The following TRIO variants were observed in gnomAD, a reference collection of about 807,000 sequenced individuals.
The protein encoded by TRIO is trio Rho guanine nucleotide exchange factor.
TRIO carries 58 observed loss-of-function variants against 351.9 expected under a neutral mutation model. The observed-to-expected ratio is 0.16, with a 90% CI of 0.13 to 0.21. TRIO has a LOEUF of 0.21. Among genes scored for constraint, TRIO ranks in the 10% least tolerant of loss-of-function variants. TRIO has a pLI of 1.00. For synonymous variants in TRIO, 1,758 were observed against 1,595.7 expected (o/e 1.10, Z -2.42); for missense variants, 3,201 against 4,027.8 (o/e 0.79, Z 5.56).
chr5:14,487,793 G>C lies in TRIO; in HGVS notation c.7165G>C (p.Ala2389Pro). The change falls in exon 48 of 57, where the codon GCG becomes CCG. Residue 2389 changes from alanine to proline, a missense_variant. By Grantham distance (27) the Ala-to-Pro change is conservative (BLOSUM62 -1). Around this residue, in one of 19 missense-constraint regions of TRIO, gnomAD observed 1,089 missense variants for 954.9 expected, o/e 1.14. Transcript: ENST00000344204. ...CGCGGCCCCCGAGGCCGGCCCCAGC[G>C]CGCCCAGCAGGCGGCCCCCCGGCGC... is the stretch of plus-strand genomic sequence containing the variant. Reference protein sequence around the residue: ...PGAAPEAGPSAPSRRPPGADA... With the variant: ...PGAAPEAGPSPPSRRPPGADA... 7.2e-7 allele frequency: 1 copy of C among 1,394,722 alleles called. No homozygotes were observed. The highest frequency in any genetic ancestry group is 1.5e-5 in the South Asian group (1 of 65,002). 86.4% of individuals were successfully genotyped at this position (1,394,722 alleles called of 1,614,324 possible). A position where few individuals can be genotyped will look rare whatever the true frequency, so the allele number is the denominator to read the frequency against.
chr5:14,208,073 A>C (rs1040081894), intron 1 of TRIO, among the ~76,000 whole-genome samples: 6 of 152,254 alleles, frequency 3.9e-5, no homozygotes, highest in African/African-American at 1.4e-4. Flanking sequence ...ATAAGGTTGT[A>C]CAGTCAGTTT....
intron 7 of TRIO, among the ~76,000 whole-genome samples, chr5:14,298,904 TG>T (rs1737616786): frequency 6.6e-6 from 1 of 152,218 alleles, no homozygotes; most frequent in Non-Finnish European, 1.5e-5. Flanking sequence ...TTCATGACCC[TG>T]TAGCCATCTC....
rs114782955 is a variant in TRIO at position 14,223,097 on chromosome 5, C to T, written c.158-47728C>T. Among the ~76,000 whole-genome samples the T allele has an allele frequency of 6.5e-3, 993 of 152,220 alleles. 11 individuals are homozygous for T. Among genetic ancestry groups the T allele is most frequent in the African/African-American group, 0.021 (891 of 41,518 alleles). On this transcript the variant is annotated intron_variant, in intron 1 of 56. Transcript: ENST00000344204. ...AGAGGCAGGTAAGAGGACAGGTAGC[C>T]GTGTCTGCTGCTTATGAGTTGTCCC...
intron 34 of TRIO, among the ~76,000 whole-genome samples, chr5:14,426,204 C>T (rs893161295): frequency 2.0e-5 from 3 of 149,046 alleles, no homozygotes; most frequent in African/African-American, 7.3e-5. Flanking sequence ...CCAACAAGAC[C>T]TTTCGTCTCA....
At chr5:14,394,248 C>G (rs1054182815) in intron 28 of TRIO, 118 bp downstream of exon 28, 29 of 625,000 alleles carry the variant, frequency 4.6e-5, no homozygotes, top group Non-Finnish European at 6.6e-5. Context: ...ATTAATTTTA[C>G]TTTTTAATTC....
chr5:14,310,339 C>G (rs574534589), intron 8 of TRIO, among the ~76,000 whole-genome samples: 10 of 152,374 alleles, frequency 6.6e-5, no homozygotes, highest in African/African-American at 2.2e-4. Flanking sequence ...CACCAAAGGG[C>G]CACTGCTGCA....
At chr5:14,277,747 T>C (rs1013437953) in intron 2 of TRIO, among the ~76,000 whole-genome samples, 4 of 152,228 alleles carry the variant, frequency 2.6e-5, no homozygotes, top group African/African-American at 7.2e-5. Context: ...TCTTGGGGAA[T>C]AGAATTAAAC....
chr5:14,499,340 A>C (rs1757115346), intron 53 of TRIO, among the ~76,000 whole-genome samples: 1 of 152,208 alleles, frequency 6.6e-6, no homozygotes, highest in Non-Finnish European at 1.5e-5. Context: ...GCTCTTTCAA[A>C]ACGTCCTGTA....
intron 5 of TRIO, among the ~76,000 whole-genome samples, chr5:14,291,581 G>T (rs1004247346): frequency 6.6e-6 from 1 of 151,846 alleles, no homozygotes; most frequent in Non-Finnish European, 1.5e-5. Flanking sequence ...CTGAGGTCAG[G>T]AGATTGAGAC....
intron 1 of TRIO, among the ~76,000 whole-genome samples, chr5:14,211,424 A>G (rs1248215819): frequency 6.6e-6 from 1 of 152,250 alleles, no homozygotes; most frequent in African/African-American, 2.4e-5. Flanking sequence ...ATAAGCAGTC[A>G]TTACTATAAA....
chr5:14,497,902 C>T lies in TRIO; in HGVS notation c.8047+28C>T. ...GAGTTCTGTTCTTTTTCTTCTAGTC[C>T]TAGAGATGATTCTAGACCTGTGGGG... On this transcript the variant is annotated intron_variant, in intron 51 of 56. Coordinates refer to ENST00000344204, the MANE Select transcript of TRIO (RefSeq NM_007118.4). The surrounding 1 kb of genome is among the most constrained non-coding windows in gnomAD (Gnocchi z 4.4). 3.1e-6 allele frequency: 5 copies of T among 1,614,126 alleles called. No individual in the cohort carries two copies. Among genetic ancestry groups the T allele is most frequent in the Non-Finnish European group, 4.2e-6 (5 of 1,179,974 alleles).
intron 54 of TRIO, 35 bp from the exon 55 acceptor site, chr5:14,504,358 G>A (rs1757511818): frequency 1.2e-6 from 2 of 1,610,292 alleles, no homozygotes; most frequent in Admixed American, 1.7e-5. Context: ...GACCTCAGCA[G>A]CCTCTGCAAA....
In TRIO at chr5:14,406,532, C is replaced by T. The variant is rs369542700; in HGVS notation, c.4860-41C>T. On this transcript the variant is annotated intron_variant, in intron 32 of 56. Transcript: ENST00000344204. ...CAGTTGCTTCTCCAGTGACTGCCAG[C>T]TCAGCAGCATCAGGAACTAAAAGTT... 12 of 1,592,538 alleles carry T rather than the reference C, an allele frequency of 7.5e-6. No homozygotes were observed. In the Middle Eastern group the frequency reaches 6.6e-4, roughly 88 times the overall value.
At chr5:14,167,781 C>T (rs1018676476) in intron 1 of TRIO, among the ~76,000 whole-genome samples, 7 of 152,156 alleles carry the variant, frequency 4.6e-5, no homozygotes, top group African/African-American at 7.2e-5. Context: ...TGGGTGGATG[C>T]ACCATGAAGG....
rs1373363803 is a variant in TRIO, at chr5:14,488,013, C to G, written c.7385C>G (p.Ser2462Cys). The G allele has an allele frequency of 3.1e-6, 5 of 1,587,770 alleles. No homozygotes were observed. The South Asian group carries it at 3.4e-5, about 11-fold the overall frequency. ...GAASPLNSPLSSAVPSLGKEP... is the reference protein window; with the variant it reads ...GAASPLNSPLCSAVPSLGKEP... ...GCTTCGCCGCTGAACTCGCCGCTCT[C>G]CAGCGCGGTCCCTTCTCTCGGCAAG... Residue 2462 changes from serine to cysteine, a missense_variant, in exon 48 of 57, where the codon TCC becomes TGC. Transcript: ENST00000344204.
At chr5:14,446,598 T>TG (rs1411230403) in intron 34 of TRIO, among the ~76,000 whole-genome samples, 1 of 152,138 alleles carries the variant, frequency 6.6e-6, no homozygotes, top group Non-Finnish European at 1.5e-5. Context: ...ATGGTACCTG[T>TG]GGGGTGCATG....
Position 14,488,016 on chromosome 5 carries a change from G to C in TRIO, c.7388G>C (p.Ser2463Thr), listed in dbSNP as rs772325508. Residue 2463 changes from serine (S) to threonine (T), a missense_variant, in exon 48 of 57, where the codon AGC (serine) becomes ACC (threonine). Transcript: ENST00000344204. Reference sequence around the variant, plus strand: ...TCGCCGCTGAACTCGCCGCTCTCCAGCGCGGTCCCTTCTCTCGGCAAGGAG... The same window carrying C: ...TCGCCGCTGAACTCGCCGCTCTCCACCGCGGTCCCTTCTCTCGGCAAGGAG... ...AASPLNSPLS[S>T]AVPSLGKEPF... is the part of the protein sequence containing the mutation. 2 of 1,590,192 alleles carry C rather than the reference G, an allele frequency of 1.3e-6. No homozygotes were observed. Among genetic ancestry groups the C allele is most frequent in the African/African-American group, 2.7e-5 (2 of 74,260 alleles).
rs753390682 is a variant in TRIO, at chr5:14,487,980, C to T, written c.7352C>T (p.Ala2451Val). 1.3e-6 allele frequency: 2 copies of T among 1,555,980 alleles called. No homozygotes were observed. The highest frequency in any genetic ancestry group is 2.4e-5 in the East Asian group (1 of 41,234). The stretch of plus-strand genomic sequence containing the variant: ...ACCCTGCCGCTTGGGAAGCCCCGGG[C>T]CGGGGCCGCTTCGCCGCTGAACTCG... ...LGTLPLGKPR[A>V]GAASPLNSPL... The change falls in exon 48 of 57, where the codon GCC (alanine) becomes GTC (valine). Residue 2451 changes from alanine to valine, a missense_variant. Physicochemically the swap from Ala to Val is moderately conservative, Grantham distance 64 (BLOSUM62 0). Coordinates refer to ENST00000344204, the MANE Select transcript of TRIO (RefSeq NM_007118.4).
At chr5:14,234,264 C>T (rs897424348) in intron 1 of TRIO, among the ~76,000 whole-genome samples, 1 of 152,136 alleles carries the variant, frequency 6.6e-6, no homozygotes, top group South Asian at 2.1e-4. Context: ...AAGTACAGTT[C>T]AGTGGTGATA....
Sources: allele counts gnomAD v4.1 joint callset (sites outside exome capture counted in the v4.1 genomes callset), GRCh38; gene constraint gnomAD v4.1.1; regional missense constraint gnomAD v4.1.1; non-coding constraint Gnocchi (gnomAD v3.1); transcripts MANE v1.5; gene names NCBI Gene and HGNC (gene_info 2026-07-23, HGNC 2026-07-21).